FBN1: variants seen among roughly 807,000 people sequenced by gnomAD.
FBN1 encodes fibrillin-1.
A neutral mutation model predicts 365.1 loss-of-function variants in FBN1; 29 were observed. That is an observed-to-expected ratio of 0.08 (90% CI 0.06 to 0.11). The LOEUF is 0.11. Among genes scored for constraint, FBN1 ranks in the 10% least tolerant of loss-of-function variants. The probability of loss-of-function intolerance (pLI) is 1.00; values close to 1 mark genes in which losing one functional copy is unlikely to be tolerated. For synonymous variants in FBN1, 1,210 were observed against 1,270.5 expected, an observed-to-expected ratio of 0.95 and a Z score of 1.01; for missense variants, 2,476 against 3,703.2, an observed-to-expected ratio of 0.67 and a Z score of 8.60.
In FBN1 at chr15:48,425,409, C is replaced by T. The variant is rs769588855; in HGVS notation, c.7413G>A (p.Pro2471=). The change falls in exon 60 of 66, where the codon CCG becomes CCA. Residue 2471 remains proline, a synonymous_variant. Coordinates refer to ENST00000316623, the MANE Select transcript of FBN1 (RefSeq NM_000138.5). ...NTEGSYQCSC[P]KGYILQEDGR... The stretch of plus-strand genomic sequence containing the variant: ...CATCCTCTTGCAGAATGTAGCCTTT[C>T]GGGCATGAACACTGGTAACTCCCTT... The T allele has an allele frequency of 2.7e-5, 43 of 1,614,056 alleles. No individual in the cohort carries two copies. The highest frequency in any genetic ancestry group is 7.7e-5 in the South Asian group (7 of 91,088).
Position 48,508,721 on chromosome 15 carries a change from T to A in FBN1, c.1715-17A>T. ...CATCCATATCTGAAAATACAAAACA[T>A]ACATTTTCTTATGACCAGAAGAGTA... On this transcript the variant is annotated splice_polypyrimidine_tract_variant and intron_variant, in intron 14 of 65. Coordinates refer to ENST00000316623, the MANE Select transcript of FBN1 (RefSeq NM_000138.5). 1 of 1,613,096 alleles carries A rather than the reference T, an allele frequency of 6.2e-7. No individual in the cohort carries two copies. Among genetic ancestry groups the A allele is most frequent in the Non-Finnish European group, 8.5e-7 (1 of 1,179,450 alleles).
intron 63 of FBN1, among the ~76,000 whole-genome samples, chr15:48,417,097 A>T (rs1222432010): frequency 1.3e-5 from 2 of 152,330 alleles, no homozygotes; most frequent in East Asian, 3.9e-4. Flanking sequence ...TGCAAAGGCC[A>T]TCCATGCGCT....
chr15:48,417,676 G>C (rs2042913243), intron 63 of FBN1, among the ~76,000 whole-genome samples: 1 of 151,960 alleles, frequency 6.6e-6, no homozygotes, highest in Non-Finnish European at 1.5e-5. Flanking sequence ...TTCTCTTTCT[G>C]TGCTCAACAC....
chr15:48,526,314 AGTAGAAGGACTCAGATGTTAACACTAGTC>A, intron 8 of FBN1, 59 bp from the exon 9 acceptor site: 1 of 1,587,580 alleles, frequency 6.3e-7, no homozygotes, highest in Non-Finnish European at 8.6e-7. Context: ...ACCATTCGTC[AGTAGAAGGACTCAGATGTTAACACTAGTC>A]AAATCATGTC....
intron 34 of FBN1, among the ~76,000 whole-genome samples, chr15:48,473,660 C>T (rs994317616): frequency 8.5e-5 from 13 of 152,052 alleles, no homozygotes; most frequent in South Asian, 2.1e-4. Flanking sequence ...TTGATGATGA[C>T]GATAATGATG....
chr15:48,634,901 A>ACC (rs1890067273), intron 2 of FBN1, among the ~76,000 whole-genome samples: 5 of 147,342 alleles, frequency 3.4e-5, no homozygotes, highest in Admixed American at 3.4e-4. Flanking sequence ...ACACACACAC[A>ACC]CAAAATGAAA....
In FBN1 at chr15:48,613,132, G is replaced by T. The variant is rs1566938201; in HGVS notation, c.165-40C>A. Reference sequence around the variant, plus strand: ...GAAGAATTCCATACTTTAAAAAAAAGAAGAAGAGGAAGAGATGGCCAAATA... The same window carrying T: ...GAAGAATTCCATACTTTAAAAAAAATAAGAAGAGGAAGAGATGGCCAAATA... On this transcript the variant is annotated intron_variant, in intron 2 of 65. Coordinates refer to ENST00000316623, the MANE Select transcript of FBN1 (RefSeq NM_000138.5). The T allele has an allele frequency of 2.7e-6, 4 of 1,464,478 alleles. No homozygotes were observed. The East Asian group carries it at 9.1e-5, about 33-fold the overall frequency. The allele number at this position is 1,464,478 out of a possible 1,614,324, so 90.7% of individuals were successfully genotyped here.
chr15:48,513,261 C>T (rs1182620830), intron 13 of FBN1, among the ~76,000 whole-genome samples: 2 of 152,180 alleles, frequency 1.3e-5, no homozygotes, highest in African/African-American at 4.8e-5. Context: ...ATTCCACTCT[C>T]TACTTCTCAG....
intron 2 of FBN1, among the ~76,000 whole-genome samples, chr15:48,630,112 G>A (rs186035285): frequency 1.1e-4 from 17 of 152,250 alleles, no homozygotes; most frequent in Admixed American, 5.2e-4. Flanking sequence ...TTAACATGTC[G>A]GTCCAGGGGA....
rs959312326 is a variant in FBN1 at position 48,409,793 on chromosome 15, T to C, written c.*1197A>G. 6.6e-6 allele frequency: 1 copy of C among 152,184 alleles called. No individual in the cohort carries two copies. 9.4% of individuals were successfully genotyped at this position (152,184 alleles called of 1,614,324 possible). ...TGACTGAACTTGGTATTTAAGACTATTTAAAAGTCACAAGATGAATTAGGT... is the reference window on the plus strand; with the variant it reads ...TGACTGAACTTGGTATTTAAGACTACTTAAAAGTCACAAGATGAATTAGGT... On this transcript the variant is annotated 3_prime_UTR_variant, in exon 66 of 66. Coordinates refer to ENST00000316623, the MANE Select transcript of FBN1 (RefSeq NM_000138.5).
intron 43 of FBN1, among the ~76,000 whole-genome samples, chr15:48,459,972 G>A (rs968966716): frequency 6.6e-6 from 1 of 152,186 alleles, no homozygotes; most frequent in Non-Finnish European, 1.5e-5. Flanking sequence ...CTCTCCCCAT[G>A]TTGATGCCTA....
chr15:48,599,520 A>G (rs1337145376), intron 5 of FBN1, among the ~76,000 whole-genome samples: 1 of 150,924 alleles, frequency 6.6e-6, no homozygotes, highest in African/African-American at 2.5e-5. Flanking sequence ...TAGGGTATAT[A>G]TGCTCATCTT....
chr15:48,516,659 C>T (rs896791032), intron 10 of FBN1, among the ~76,000 whole-genome samples: 3 of 152,172 alleles, frequency 2.0e-5, no homozygotes, highest in African/African-American at 7.2e-5. Flanking sequence ...ACTACTTTCT[C>T]CATCCAGTCC....
At chr15:48,615,872 T>C (rs943859632) in intron 2 of FBN1, among the ~76,000 whole-genome samples, 25 of 152,204 alleles carry the variant, frequency 1.6e-4, no homozygotes, top group African/African-American at 6.0e-4. Flanking sequence ...TGGTAGATGG[T>C]GTTACATGAG....
chr15:48,525,806 C>T (rs1406646058), intron 9 of FBN1, among the ~76,000 whole-genome samples: 2 of 152,106 alleles, frequency 1.3e-5, no homozygotes, highest in Admixed American at 6.5e-5. Flanking sequence ...TGGGGAATGA[C>T]TGAAGGTGGG....
At chr15:48,433,997 A>G (rs1479968964) in intron 54 of FBN1, among the ~76,000 whole-genome samples, 1 of 152,186 alleles carries the variant, frequency 6.6e-6, no homozygotes, top group Non-Finnish European at 1.5e-5. Context: ...TGCATTTCTA[A>G]TAAGTTCCCA....
chr15:48,470,292 C>T lies in FBN1; in HGVS notation c.4459+342G>A, dbSNP rs186234470. ...AGTACAAGGAGAAAACCCATGATCCCGGGGCATGGCCTCCAAAACGAAACT... is the reference window on the plus strand; with the variant it reads ...AGTACAAGGAGAAAACCCATGATCCTGGGGCATGGCCTCCAAAACGAAACT... On this transcript the variant is annotated intron_variant, in intron 36 of 65. Transcript: ENST00000316623. Among the ~76,000 whole-genome samples, 511 of 152,086 alleles carry T rather than the reference C, an allele frequency of 3.4e-3. 4 individuals are homozygous for T. The highest frequency in any genetic ancestry group is 0.012 in the African/African-American group (486 of 41,474).
At chr15:48,612,072 G>A (rs1394251108) in intron 3 of FBN1, among the ~76,000 whole-genome samples, 2 of 152,192 alleles carry the variant, frequency 1.3e-5, no homozygotes, top group African/African-American at 2.4e-5. Flanking sequence ...AAAGTTCATT[G>A]AGAAAAATCC....
chr15:48,548,846 ATGTTTTATTCCCT>A (rs1324701791), intron 6 of FBN1, among the ~76,000 whole-genome samples: 2 of 152,224 alleles, frequency 1.3e-5, no homozygotes, highest in Non-Finnish European at 2.9e-5. Flanking sequence ...TAACAGGTCT[ATGTTTTATTCCCT>A]TGGATATTTA....
Sources: gnomAD v4.1 joint callset for allele counts (sites outside exome capture counted in the v4.1 genomes callset) on GRCh38, gnomAD v4.1.1 for gene constraint, MANE v1.5 for transcripts, NCBI Gene and HGNC (gene_info 2026-07-23, HGNC 2026-07-21) for gene names.